SAMD12: variants seen among roughly 807,000 people sequenced by gnomAD.
SAMD12 encodes sterile alpha motif domain containing 12.
Under a neutral mutation model 15.0 loss-of-function variants are expected in SAMD12, and 9 were observed. The ratio of observed to expected loss-of-function variants is 0.60; its 90% confidence interval spans 0.36 to 1.05. The LOEUF is 1.05. Ranked by LOEUF, SAMD12 falls within the 50% of genes least tolerant of loss-of-function variation. SAMD12 has a pLI of 0.01. For missense variants in SAMD12, 230 were observed against 234.2 expected (o/e 0.98, Z 0.12); for synonymous variants, 86 against 90.1 (o/e 0.96, Z 0.25).
intron 2 of SAMD12, among the ~76,000 whole-genome samples, chr8:118,520,522 T>C (rs28513935): frequency 0.024 from 3,714 of 152,300 alleles, 106 homozygotes; most frequent in Admixed American, 0.095. Flanking sequence ...GGAATATAGA[T>C]GCTGATACAT....
downstream of SAMD12, among the ~76,000 whole-genome samples, chr8:118,185,171 A>T (rs1180365059): frequency 6.6e-6 from 1 of 152,184 alleles, no homozygotes; most frequent in Non-Finnish European, 1.5e-5. Context: ...TAAGAAGGAA[A>T]GTGAACTATG....
intron 4 of SAMD12, among the ~76,000 whole-genome samples, chr8:118,334,181 T>C (rs1295669162): frequency 6.6e-6 from 1 of 152,196 alleles, no homozygotes; most frequent in Non-Finnish European, 1.5e-5. Context: ...ACATCTCTAT[T>C]TACACATTTA....
intron 2 of SAMD12, among the ~76,000 whole-genome samples, chr8:118,475,075 C>G (rs190309807): frequency 1.5e-4 from 23 of 151,916 alleles, no homozygotes; most frequent in African/African-American, 5.6e-4. Context: ...CCCATTCTAC[C>G]AAAAATACAA....
intron 2 of SAMD12, among the ~76,000 whole-genome samples, chr8:118,547,829 G>T (rs934569331): frequency 6.6e-6 from 1 of 152,086 alleles, no homozygotes; most frequent in African/African-American, 2.4e-5. Context: ...CAGAAAACCA[G>T]ATTTGATGTG....
the SAMD12 span, among the ~76,000 whole-genome samples, chr8:118,173,758 T>G: frequency 6.6e-6 from 1 of 151,594 alleles, no homozygotes; most frequent in Non-Finnish European, 1.5e-5. Context: ...GCTTCCCGCA[T>G]AGCTGGGACT....
At chr8:118,498,841 A>G (rs914804934) in intron 2 of SAMD12, among the ~76,000 whole-genome samples, 2 of 152,214 alleles carry the variant, frequency 1.3e-5, no homozygotes, top group Non-Finnish European at 2.9e-5. Flanking sequence ...TGGTAGATAG[A>G]CCTAGAGGAC....
At chr8:118,350,311 A>G (rs1223175275) in intron 4 of SAMD12, among the ~76,000 whole-genome samples, 1 of 152,178 alleles carries the variant, frequency 6.6e-6, no homozygotes, top group African/African-American at 2.4e-5. Flanking sequence ...CACAGCATTT[A>G]CCTCATCATG....
At chr8:118,435,871 G>A (rs2130880329) in intron 3 of SAMD12, among the ~76,000 whole-genome samples, 1 of 152,300 alleles carries the variant, frequency 6.6e-6, no homozygotes, top group Non-Finnish European at 1.5e-5. Context: ...CAGCTCAAGG[G>A]AGAATCCGAA....
chr8:118,556,048 G>A (rs1302123145), intron 2 of SAMD12, among the ~76,000 whole-genome samples: 3 of 152,190 alleles, frequency 2.0e-5, no homozygotes, highest in Non-Finnish European at 4.4e-5. Flanking sequence ...CTGAGAATGG[G>A]GAACTGGAGA....
At chr8:118,416,306 C>G (rs902145389) in intron 3 of SAMD12, among the ~76,000 whole-genome samples, 7 of 152,150 alleles carry the variant, frequency 4.6e-5, no homozygotes, top group African/African-American at 1.7e-4. Flanking sequence ...TTAACTATTA[C>G]TACAATAAGT....
intron 4 of SAMD12, among the ~76,000 whole-genome samples, chr8:118,215,531 G>A (rs1811939372): frequency 6.6e-6 from 1 of 151,816 alleles, no homozygotes; most frequent in Non-Finnish European, 1.5e-5. Flanking sequence ...AGTTACATAT[G>A]TATACATGTG....
rs947832782 is a variant in SAMD12 at position 118,216,949 on chromosome 8, A to G, written c.434-19217T>C. 3.3e-5 allele frequency among the ~76,000 whole-genome samples: 5 copies of G among 152,130 alleles called. No individual in the cohort carries two copies. The East Asian group carries it at 7.7e-4, about 23-fold the overall frequency. ...TATTCATTCCCTATATCCACCCTCTATATCAGTTTTTCCTCTCCGCATTCA... is the reference window on the plus strand; with the variant it reads ...TATTCATTCCCTATATCCACCCTCTGTATCAGTTTTTCCTCTCCGCATTCA... On this transcript the variant is annotated intron_variant, in intron 4 of 4. Coordinates refer to the SAMD12 transcript ENST00000409003.
intron 3 of SAMD12, among the ~76,000 whole-genome samples, chr8:118,417,356 T>C (rs1821751850): frequency 1.3e-5 from 2 of 152,210 alleles, no homozygotes; most frequent in Admixed American, 1.3e-4. Context: ...AGTGCTAGGA[T>C]TACAGTTGTG....
At chr8:118,271,017 T>A (rs762051069) in intron 4 of SAMD12, among the ~76,000 whole-genome samples, 2 of 152,146 alleles carry the variant, frequency 1.3e-5, no homozygotes, top group Non-Finnish European at 2.9e-5. Flanking sequence ...AGTTATTATG[T>A]CTCTTCTTAC....
downstream of SAMD12, among the ~76,000 whole-genome samples, chr8:118,187,403 TCTC>T (rs1186270355): frequency 1.3e-5 from 2 of 151,950 alleles, no homozygotes; most frequent in Non-Finnish European, 2.9e-5. Flanking sequence ...CAGAAAAAAA[TCTC>T]CTCAACCAGC....
At chr8:118,139,367 G>A in the SAMD12 span, among the ~76,000 whole-genome samples, 1 of 152,070 alleles carries the variant, frequency 6.6e-6, no homozygotes, top group Non-Finnish European at 1.5e-5. Context: ...TTTAGTTTTA[G>A]TTTACTTTCT....
At chr8:118,177,246 T>A in the SAMD12 span, among the ~76,000 whole-genome samples, 1 of 151,678 alleles carries the variant, frequency 6.6e-6, no homozygotes, top group Non-Finnish European at 1.5e-5. Flanking sequence ...AGAATTTTTT[T>A]TTTTTTTTTT....
At chr8:118,205,532 G>C (rs1819837182) in intron 4 of SAMD12, among the ~76,000 whole-genome samples, 1 of 152,238 alleles carries the variant, frequency 6.6e-6, no homozygotes, top group Non-Finnish European at 1.5e-5. Context: ...CTTTAGGCTA[G>C]GCTATGATCT....
chr8:118,495,351 CT>C (rs558987819), intron 2 of SAMD12, among the ~76,000 whole-genome samples: 122 of 152,306 alleles, frequency 8.0e-4, no homozygotes, highest in Non-Finnish European at 1.4e-3. Context: ...ATGGCATTCA[CT>C]TTCTCTCCCA....
Sources: gnomAD v4.1 joint callset for allele counts (sites outside exome capture counted in the v4.1 genomes callset) on GRCh38, gnomAD v4.1.1 for gene constraint, MANE v1.5 for transcripts, NCBI Gene and HGNC (gene_info 2026-07-23, HGNC 2026-07-21) for gene names.